Variants in RABGAP1L observed in about 807,000 individuals in gnomAD.
The protein encoded by RABGAP1L is rab GTPase-activating protein 1-like.
A neutral mutation model predicts 137.7 loss-of-function variants in RABGAP1L; 63 were observed. The ratio of observed to expected loss-of-function variants is 0.46; its 90% CI spans 0.37 to 0.56. The LOEUF (loss-of-function observed/expected upper bound fraction) is 0.56. Among genes scored for constraint, RABGAP1L ranks in the 20% least tolerant of loss-of-function variants. The pLI, the probability that RABGAP1L is intolerant of heterozygous loss-of-function variation, is 0.00. For synonymous variants in RABGAP1L, 431 were observed against 433.7 expected, an observed-to-expected ratio of 0.99 and a Z score of 0.08; for missense variants, 1,095 against 1,244.0, an observed-to-expected ratio of 0.88 and a Z score of 1.80.
chr1:174,856,283 C>G (rs560576434), intron 19 of RABGAP1L, among the ~76,000 whole-genome samples: 27 of 152,022 alleles, frequency 1.8e-4, no homozygotes, highest in African/African-American at 6.3e-4. Context: ...GTAGTCCCAG[C>G]TACTCGGGAG....
At chr1:174,168,242 G>A (rs1665063671) in intron 1 of RABGAP1L, among the ~76,000 whole-genome samples, 1 of 131,594 alleles carries the variant, frequency 7.6e-6, no homozygotes, top group Admixed American at 8.7e-5. Flanking sequence ...TCCAGCCTGA[G>A]CTACAGAGTG....
intron 13 of RABGAP1L, among the ~76,000 whole-genome samples, chr1:174,495,334 C>T (rs1660647034): frequency 6.6e-6 from 1 of 151,908 alleles, no homozygotes; most frequent in South Asian, 2.1e-4. Flanking sequence ...CTTTTTTTCC[C>T]CCCAAGTTTT....
chr1:174,696,489 G>A (rs889270360), intron 15 of RABGAP1L, among the ~76,000 whole-genome samples: 12 of 152,122 alleles, frequency 7.9e-5, no homozygotes, highest in South Asian at 2.1e-4. Context: ...AGGACTTGCC[G>A]GAAGATTGTA....
intron 13 of RABGAP1L, among the ~76,000 whole-genome samples, chr1:174,416,037 C>CACACACATATACAT (rs1650548174): frequency 8.7e-5 from 11 of 126,284 alleles, no homozygotes; most frequent in African/African-American, 3.3e-4. Context: ...TATATATATA[C>CACACACATATACAT]ACACACATTT....
rs907016732 is a variant in RABGAP1L at position 174,231,552 on chromosome 1, A to G, written c.542+197A>G. 3.9e-5 allele frequency among the ~76,000 whole-genome samples: 6 copies of G among 152,312 alleles called. No individual in the cohort carries two copies. The South Asian group carries it at 1.2e-3, about 32-fold the overall frequency. On this transcript the variant is annotated intron_variant, in intron 4 of 25. Transcript: ENST00000681986. Reference sequence around the variant, plus strand: ...TTGTATTAGTCTATTCTTGCACTGCAATAAAGAAATATCTGAGATTGGATA... The same window carrying G: ...TTGTATTAGTCTATTCTTGCACTGCGATAAAGAAATATCTGAGATTGGATA...
chr1:174,215,463 A>G (rs1373446802), intron 1 of RABGAP1L, among the ~76,000 whole-genome samples: 1 of 151,180 alleles, frequency 6.6e-6, no homozygotes, highest in African/African-American at 2.4e-5. Flanking sequence ...ATCTCAAAAA[A>G]AAAAAATAAT....
chr1:174,530,457 T>A (rs1343635859), intron 13 of RABGAP1L, among the ~76,000 whole-genome samples: 1 of 152,100 alleles, frequency 6.6e-6, no homozygotes, highest in East Asian at 1.9e-4. Flanking sequence ...TGTTGCACAA[T>A]CTCATGGTGT....
intron 18 of RABGAP1L, among the ~76,000 whole-genome samples, chr1:174,767,181 T>G (rs2148718195): frequency 6.6e-6 from 1 of 152,322 alleles, no homozygotes; most frequent in East Asian, 1.9e-4. Flanking sequence ...CCGACCACCT[T>G]GGGCACATGT....
chr1:174,853,688 G>A (rs1281362711), intron 19 of RABGAP1L, among the ~76,000 whole-genome samples: 5 of 152,034 alleles, frequency 3.3e-5, no homozygotes, highest in South Asian at 2.1e-4. Flanking sequence ...CCGAGATGGC[G>A]CCACTGCACT....
intron 11 of RABGAP1L, among the ~76,000 whole-genome samples, chr1:174,344,000 A>C (rs1376255313): frequency 1.3e-5 from 2 of 152,142 alleles, no homozygotes; most frequent in African/African-American, 2.4e-5. Context: ...GGCCTGTTTC[A>C]TCCCTGACTG....
chr1:174,431,625 A>G (rs969331894), intron 13 of RABGAP1L, among the ~76,000 whole-genome samples: 1 of 152,180 alleles, frequency 6.6e-6, no homozygotes, highest in Non-Finnish European at 1.5e-5. Context: ...TAAGGACAGC[A>G]AATTAGAACA....
chr1:174,475,619 C>A (rs1658418241), intron 13 of RABGAP1L, among the ~76,000 whole-genome samples: 4 of 151,506 alleles, frequency 2.6e-5, no homozygotes, highest in Admixed American at 2.6e-4. Context: ...CATATTAAGG[C>A]AGATCAAGCC....
chr1:174,220,449 C>G (rs1440588598), intron 2 of RABGAP1L, among the ~76,000 whole-genome samples: 1 of 152,112 alleles, frequency 6.6e-6, no homozygotes, highest in Non-Finnish European at 1.5e-5. Flanking sequence ...GGGCAGATTG[C>G]TTGAGGTAAG....
intron 13 of RABGAP1L, among the ~76,000 whole-genome samples, chr1:174,410,851 ATTGATTCT>A (rs1265593440): frequency 1.3e-5 from 2 of 152,188 alleles, no homozygotes; most frequent in Admixed American, 6.6e-5. Flanking sequence ...CTTTAATGAA[ATTGATTCT>A]TCCAATCCAT....
chr1:174,775,595 G>C (rs1686466201), intron 18 of RABGAP1L, among the ~76,000 whole-genome samples: 1 of 152,162 alleles, frequency 6.6e-6, no homozygotes, highest in African/African-American at 2.4e-5. Context: ...TTACAGACGT[G>C]AGCCACTGTG....
chr1:174,283,006 C>T (rs1675712226), intron 10 of RABGAP1L, among the ~76,000 whole-genome samples: 1 of 152,166 alleles, frequency 6.6e-6, no homozygotes, highest in Non-Finnish European at 1.5e-5. Context: ...GTATTAAAGT[C>T]TGTGTTGTAA....
intron 19 of RABGAP1L, among the ~76,000 whole-genome samples, chr1:174,840,844 G>A (rs1209841968): frequency 6.8e-6 from 1 of 147,008 alleles, no homozygotes; most frequent in Non-Finnish European, 1.5e-5. Context: ...AAAAAAAGAA[G>A]AAGAAGGGTA....
chr1:174,579,838 T>C (rs1210441010), intron 13 of RABGAP1L, among the ~76,000 whole-genome samples: 1 of 152,248 alleles, frequency 6.6e-6, no homozygotes, highest in Admixed American at 6.5e-5. Flanking sequence ...CTCAGCTCAC[T>C]GCAATCTCTG....
intron 10 of RABGAP1L, among the ~76,000 whole-genome samples, chr1:174,303,546 G>C (rs984968446): frequency 9.2e-5 from 14 of 152,136 alleles, no homozygotes; most frequent in South Asian, 4.1e-4. Context: ...TTGAGCTCCT[G>C]TTTACATGTT....
Sources: allele counts gnomAD v4.1 joint callset (sites outside exome capture counted in the v4.1 genomes callset), GRCh38; gene constraint gnomAD v4.1.1; transcripts MANE v1.5; gene names NCBI Gene and HGNC (gene_info 2026-07-23, HGNC 2026-07-21).